Variants in CACNA1C observed in about 807,000 individuals in gnomAD.
CACNA1C encodes the protein calcium voltage-gated channel subunit alpha1 C, also known as voltage-dependent L-type calcium channel subunit alpha-1C.
CACNA1C carries 30 observed loss-of-function variants against 229.0 expected under a neutral mutation model. The observed-to-expected ratio is 0.13, with a 90% CI of 0.10 to 0.18. The LOEUF is 0.18. Ranked by LOEUF, CACNA1C falls within the 10% of genes least tolerant of loss-of-function variation. The pLI is 1.00. For missense variants in CACNA1C, 1,658 were observed against 2,845.0 expected (o/e 0.58, Z 9.49); for synonymous variants, 1,114 against 1,132.5 (o/e 0.98, Z 0.33).
intron 3 of CACNA1C, among the ~76,000 whole-genome samples, chr12:2,434,258 A>G (rs1355740294): frequency 2.0e-5 from 3 of 152,218 alleles, no homozygotes; most frequent in Non-Finnish European, 2.9e-5. Context: ...CGGGGAGGCC[A>G]TCACATCTCT....
intron 31 of CACNA1C, among the ~76,000 whole-genome samples, chr12:2,650,045 G>A (rs936316824): frequency 1.3e-5 from 2 of 152,192 alleles, no homozygotes; most frequent in East Asian, 1.9e-4. Flanking sequence ...TCAGGTACCC[G>A]TGCAGCAGGT....
In CACNA1C at chr12:2,640,885, C is replaced by G. The variant is rs531434683; in HGVS notation, c.3912+6505C>G. Among the ~76,000 whole-genome samples, 19 of 152,330 alleles carry G rather than the reference C, an allele frequency of 1.2e-4. No homozygotes were observed. In the South Asian group the frequency reaches 3.7e-3, roughly 30 times the overall value. On this transcript the variant is annotated intron_variant, in intron 30 of 46. Coordinates refer to ENST00000399655, the MANE Select transcript of CACNA1C (RefSeq NM_000719.7). ...GAGTCATAGAGAGAGCTACTTGCTGCACGTCCACCCCCTCAGGGGTGAGTC... is the reference window on the plus strand; with the variant it reads ...GAGTCATAGAGAGAGCTACTTGCTGGACGTCCACCCCCTCAGGGGTGAGTC...
At chr12:2,185,778 T>C (rs140063560) in intron 3 of CACNA1C, among the ~76,000 whole-genome samples, 3 of 152,250 alleles carry the variant, frequency 2.0e-5, no homozygotes, top group Non-Finnish European at 2.9e-5. Flanking sequence ...CAGCACTGCC[T>C]CCTGCCCTGT....
intron 1 of CACNA1C, among the ~76,000 whole-genome samples, chr12:2,079,977 T>A (rs1276655374): frequency 1.3e-5 from 2 of 152,318 alleles, no homozygotes; most frequent in African/African-American, 4.8e-5. Context: ...TAACCTTGTT[T>A]AGGCTGGGTG....
chr12:2,264,089 CT>C, intron 3 of CACNA1C, among the ~76,000 whole-genome samples: 1 of 152,332 alleles, frequency 6.6e-6, no homozygotes, highest in African/African-American at 2.4e-5. Flanking sequence ...TGCAGAGCCC[CT>C]GTTGCACTCA....
At chr12:2,297,049 T>C (rs1415979817) in intron 3 of CACNA1C, among the ~76,000 whole-genome samples, 2 of 152,154 alleles carry the variant, frequency 1.3e-5, no homozygotes, top group Non-Finnish European at 2.9e-5. Flanking sequence ...CCTCTCTTAG[T>C]TTGTGGGAGA....
chr12:2,526,276 C>T (rs2099818386), intron 9 of CACNA1C, among the ~76,000 whole-genome samples: 2 of 152,198 alleles, frequency 1.3e-5, no homozygotes, highest in Non-Finnish European at 2.9e-5. Flanking sequence ...CGAACCACAC[C>T]CTACCCCATG....
intron 8 of CACNA1C, among the ~76,000 whole-genome samples, chr12:2,509,318 T>C (rs1205847349): frequency 6.6e-6 from 1 of 152,164 alleles, no homozygotes; most frequent in Admixed American, 6.5e-5. Context: ...AGTCATGTTA[T>C]GGAATGTAAC....
chr12:2,577,311 G>A (rs2058773366), intron 13 of CACNA1C, among the ~76,000 whole-genome samples: 1 of 152,188 alleles, frequency 6.6e-6, no homozygotes, highest in Admixed American at 6.5e-5. Context: ...TTAAACAGAG[G>A]CTGACCTGTG....
chr12:2,113,273 G>A (rs778526388), intron 1 of CACNA1C, among the ~76,000 whole-genome samples: 1 of 152,232 alleles, frequency 6.6e-6, no homozygotes. Context: ...GCTAAGCCAG[G>A]TCATGTGCTC....
rs151235067 is a variant in CACNA1C at position 2,641,455 on chromosome 12, C to T, written c.3913-7020C>T. 5.6e-3 allele frequency: 2,815 copies of T among 502,166 alleles called. 27 individuals carry two copies. The highest frequency in any genetic ancestry group is 6.3e-3 in the Non-Finnish European group (1,752 of 279,006). The allele number at this position is 502,166 out of a possible 1,614,324, so 31.1% of individuals were successfully genotyped here. ...AGGACACATAGATTAAATCAAGTTC[C>T]GTGGTCTCAGGACAGCTGGGTGGGG... is the stretch of plus-strand genomic sequence containing the variant. On this transcript the variant is annotated intron_variant, in intron 30 of 46. Coordinates refer to ENST00000399655, the MANE Select transcript of CACNA1C (RefSeq NM_000719.7).
chr12:1,986,014 C>T (rs534804925), intron 1 of CACNA1C, among the ~76,000 whole-genome samples: 37 of 152,224 alleles, frequency 2.4e-4, no homozygotes, highest in Non-Finnish European at 4.1e-4. Flanking sequence ...GGAGTTTCAC[C>T]GTGTTAGCCA....
intron 1 of CACNA1C, among the ~76,000 whole-genome samples, chr12:2,089,006 C>A (rs762955365): frequency 2.0e-5 from 3 of 152,122 alleles, no homozygotes; most frequent in Admixed American, 1.3e-4. Context: ...TTCTGGGAGA[C>A]CCTGTGGGGC....
rs776748886 is a variant in CACNA1C at position 2,575,345 on chromosome 12, C to T, written c.1896-6245C>T. Among the ~76,000 whole-genome samples, 2 of 152,180 alleles carry T rather than the reference C, an allele frequency of 1.3e-5. No homozygotes were observed. The highest frequency in any genetic ancestry group is 6.5e-5 in the Admixed American group (1 of 15,282). ...AAATACTCTAGAATTCTGCTTGACT[C>T]CTCCTGGCCCAGCCCAGCATATACG... On this transcript the variant is annotated intron_variant, in intron 13 of 46. Transcript: ENST00000399655. This position sits in a 1 kb window ranked among gnomAD's most constrained non-coding sequence, Gnocchi z 4.0.
At chr12:2,547,342 A>C (rs1312920293) in intron 9 of CACNA1C, 1 of 680,814 alleles carries the variant, frequency 1.5e-6, no homozygotes, top group East Asian at 2.6e-5. Context: ...TGGATGTTCT[A>C]TGTGAAAGCT....
At chr12:2,643,538 C>T (rs1373401167) in intron 30 of CACNA1C, among the ~76,000 whole-genome samples, 1 of 152,212 alleles carries the variant, frequency 6.6e-6, no homozygotes, top group Non-Finnish European at 1.5e-5. Flanking sequence ...TTAGCAAGTA[C>T]CTGTTCATTC....
chr12:2,338,650 G>A (rs112634552), intron 3 of CACNA1C, among the ~76,000 whole-genome samples: 8 of 152,322 alleles, frequency 5.3e-5, no homozygotes, highest in African/African-American at 1.9e-4. Context: ...GGGTTGGCAA[G>A]GTTGGTGTGA....
chr12:2,556,572 G>A (rs1002644664), intron 10 of CACNA1C, among the ~76,000 whole-genome samples: 1 of 152,182 alleles, frequency 6.6e-6, no homozygotes, highest in Non-Finnish European at 1.5e-5. Flanking sequence ...ACCTGTTCTT[G>A]CCTGTGATTT....
At chr12:2,257,077 G>A (rs776516002) in intron 3 of CACNA1C, among the ~76,000 whole-genome samples, 22 of 152,298 alleles carry the variant, frequency 1.4e-4, no homozygotes, top group Admixed American at 1.4e-3. Flanking sequence ...TGCTGTCTTC[G>A]TTGGTGGCTT....
Sources: allele counts gnomAD v4.1 joint callset (sites outside exome capture counted in the v4.1 genomes callset), GRCh38; gene constraint gnomAD v4.1.1; non-coding constraint Gnocchi (gnomAD v3.1); transcripts MANE v1.5; gene names NCBI Gene and HGNC (gene_info 2026-07-23, HGNC 2026-07-21).